The following FDXR variants were observed in gnomAD, a reference collection of about 807,000 sequenced individuals.
The protein encoded by FDXR is NADPH:adrenodoxin oxidoreductase, mitochondrial.
A neutral mutation model predicts 58.3 loss-of-function variants in FDXR; 38 were observed. That is an observed-to-expected ratio of 0.65 (90% confidence interval 0.50 to 0.85). The LOEUF is 0.85. Ranked by LOEUF, FDXR falls within the 40% of genes least tolerant of loss-of-function variation. The pLI is 0.00. For synonymous variants in FDXR, 275 were observed against 273.8 expected, an observed-to-expected ratio of 1.00 and a Z score of -0.04; for missense variants, 624 against 671.0, an observed-to-expected ratio of 0.93 and a Z score of 0.77.
At chr17:74,869,395 G>A (rs2038297872) in intron 2 of FDXR, among the ~76,000 whole-genome samples, 1 of 152,178 alleles carries the variant, frequency 6.6e-6, no homozygotes, top group Admixed American at 6.6e-5. Flanking sequence ...CCTGCCTCCA[G>A]AGCCTGGTCA....
chr17:74,868,510 G>T (rs529743212), intron 2 of FDXR: 35 of 1,409,536 alleles, frequency 2.5e-5, no homozygotes, highest in Non-Finnish European at 3.4e-5. Flanking sequence ...AGTTCAAACT[G>T]CTCGGCCTAG....
In FDXR at chr17:74,872,145, C is replaced by G. The variant is rs1462731333; in HGVS notation, c.80-12G>C. 1 of 1,604,630 alleles carries G rather than the reference C, an allele frequency of 6.2e-7. No homozygotes were observed. The highest frequency in any genetic ancestry group is 8.5e-7 in the Non-Finnish European group (1 of 1,174,932). On this transcript the variant is annotated splice_polypyrimidine_tract_variant and intron_variant, in intron 1 of 11. Transcript: ENST00000293195. ...ATGGTGGCAGAAGCCTGGGGCCAGG[C>G]AGAGGAGAGGGAAAAGGTCAAAATT...
chr17:74,865,584 T>G (rs1392348942), intron 6 of FDXR, 135 bp downstream of exon 6: 2 of 620,048 alleles, frequency 3.2e-6, no homozygotes, highest in Non-Finnish European at 5.7e-6. Flanking sequence ...TCAGAGAGCC[T>G]CTGCCTGGGC....
At chr17:74,865,588 C>A in intron 6 of FDXR, 131 bp downstream of exon 6, 1 of 628,468 alleles carries the variant, frequency 1.6e-6, no homozygotes, top group Non-Finnish European at 2.8e-6. Flanking sequence ...AGAGCCTCTG[C>A]CTGGGCACCA....
chr17:74,866,657 A>C, intron 3 of FDXR, 89 bp from the exon 4 acceptor site: 1 of 1,600,084 alleles, frequency 6.2e-7, no homozygotes, highest in Non-Finnish European at 8.6e-7. Context: ...CTGTGTCCCC[A>C]GGAGGGAAGC....
In FDXR at chr17:74,864,883, C is replaced by T. The variant is rs374574829; in HGVS notation, c.658G>A (p.Val220Met). ...AALGVLRQSR[V>M]KTVWLVGRRG... ...CGGCCCACTAGCCACACTGTCTTCACTCGACTCTGCCTCAGTACACCCAGG... is the reference window on the plus strand; with the variant it reads ...CGGCCCACTAGCCACACTGTCTTCATTCGACTCTGCCTCAGTACACCCAGG... The change falls in exon 7 of 12, where the codon GTG (valine) becomes ATG (methionine). Residue 220 changes from valine (V) to methionine (M), a missense_variant. Transcript: ENST00000293195. 12 of 1,614,084 alleles carry T rather than the reference C, an allele frequency of 7.4e-6. No homozygotes were observed. Among genetic ancestry groups the T allele is most frequent in the Non-Finnish European group, 1.0e-5 (12 of 1,180,036 alleles).
At position 74,865,145 on chromosome 17, in the gene FDXR, G is replaced by A. The variant is rs968583365; in HGVS notation, c.610-214C>T. Among the ~76,000 whole-genome samples the A allele has an allele frequency of 4.6e-5, 7 of 152,316 alleles. No individual in the cohort carries two copies. In the South Asian group the frequency reaches 1.0e-3, roughly 23 times the overall value. On this transcript the variant is annotated intron_variant, in intron 6 of 11. Transcript: ENST00000293195. ...GCCCACACTTTCATTCAACAAGTAT[G>A]TAGTGGGCCTCTACCATGTGCTCAC... is the stretch of plus-strand genomic sequence containing the variant.
At position 74,862,664 on chromosome 17, in the gene FDXR, C is replaced by CAGGAGGG. The variant is rs2038003810; in HGVS notation, c.*146_*152dup. On this transcript the variant is annotated 3_prime_UTR_variant, in exon 12 of 12. Coordinates refer to ENST00000293195, the MANE Select transcript of FDXR (RefSeq NM_024417.5). ...CCTTGCGCGCAAGGGCGACCTTCCC[C>CAGGAGGG]AGGAGGGAGGAGAGACGCTGGAAGA... 1 of 1,105,770 alleles carries CAGGAGGG rather than the reference C, an allele frequency of 9.0e-7. No individual in the cohort carries two copies. The highest frequency in any genetic ancestry group is 1.3e-6 in the Non-Finnish European group (1 of 796,600). 68.5% of individuals were successfully genotyped at this position (1,105,770 alleles called of 1,614,324 possible).
chr17:74,863,362 A>G (rs2038045272), intron 10 of FDXR, 116 bp from the exon 11 acceptor site: 3 of 1,027,200 alleles, frequency 2.9e-6, no homozygotes, highest in South Asian at 3.1e-5. Context: ...GCCTCTTGGC[A>G]GACTGTCGGC....
Position 74,863,070 on chromosome 17 carries a change from CCA to C in FDXR, c.1345+4_1345+5del, listed in dbSNP as rs1361162929. On this transcript the variant is annotated splice_donor_5th_base_variant and intron_variant, in intron 11 of 11. Transcript: ENST00000293195. ...CCTCCCAGGACCTCAGCATCGGGGC[CCA>C]GACCTCGGCTGCTGAGCAGGGCCTG... 6.2e-6 allele frequency: 10 copies of C among 1,610,100 alleles called. No individual in the cohort carries two copies. In the Middle Eastern group the frequency reaches 6.6e-4, roughly 106 times the overall value.
At position 74,864,453 on chromosome 17, in the gene FDXR, T is replaced by C. The variant is rs575876220; in HGVS notation, c.802+27A>G. The C allele has an allele frequency of 5.0e-6, 8 of 1,609,822 alleles. No homozygotes were observed. The African/African-American group carries it at 6.7e-5, about 13-fold the overall frequency. On this transcript the variant is annotated intron_variant, in intron 8 of 11. Transcript: ENST00000293195. ...ACCTAGGCCACCCTCTCCCTAGTAG[T>C]TGGGGGGCCAGGCCAGGGCCCCTCA... is the stretch of plus-strand genomic sequence containing the variant.
At chr17:74,872,676 A>T in intron 1 of FDXR, 190 bp downstream of exon 1, 1 of 1,295,810 alleles carries the variant, frequency 7.7e-7, no homozygotes, top group South Asian at 1.4e-5. Flanking sequence ...TCCGTCTCTA[A>T]CCCTAGAAGC....
chr17:74,870,388 G>A (rs2038332641), intron 2 of FDXR, among the ~76,000 whole-genome samples: 1 of 151,988 alleles, frequency 6.6e-6, no homozygotes, highest in African/African-American at 2.4e-5. Context: ...GTGGTGGAGT[G>A]CGCCTGTAAT....
intron 6 of FDXR, 69 bp from the exon 7 acceptor site, chr17:74,865,000 T>C (rs951876731): frequency 1.0e-5 from 16 of 1,605,974 alleles, no homozygotes; most frequent in African/African-American, 8.0e-5. Context: ...CATTTGGTCA[T>C]GTCCCCACCG....
At chr17:74,865,696 G>T (rs750871257) in intron 6 of FDXR, 23 bp downstream of exon 6, 4 of 1,564,578 alleles carry the variant, frequency 2.6e-6, no homozygotes, top group Non-Finnish European at 2.6e-6. Context: ...CTCCAACCCC[G>T]CCAGCCCTGA....
chr17:74,872,143 G>A lies in FDXR; in HGVS notation c.80-10C>T. 1 of 1,605,494 alleles carries A rather than the reference G, an allele frequency of 6.2e-7. No individual in the cohort carries two copies. Among genetic ancestry groups the A allele is most frequent in the South Asian group, 1.1e-5 (1 of 89,956 alleles). Reference sequence around the variant, plus strand: ...AAATGGTGGCAGAAGCCTGGGGCCAGGCAGAGGAGAGGGAAAAGGTCAAAA... The same window carrying A: ...AAATGGTGGCAGAAGCCTGGGGCCAAGCAGAGGAGAGGGAAAAGGTCAAAA... On this transcript the variant is annotated splice_polypyrimidine_tract_variant and intron_variant, in intron 1 of 11. Transcript: ENST00000293195.
chr17:74,870,130 A>T (rs2038322656), intron 2 of FDXR: 14 of 358,664 alleles, frequency 3.9e-5, no homozygotes, highest in South Asian at 2.7e-4. Flanking sequence ...CCCAAGGATC[A>T]GAACAAGGAT....
rs2038099577 is a variant in FDXR at position 74,864,546 on chromosome 17, G to A, written c.736C>T (p.Gln246Ter). The change falls in exon 8 of 12, where the codon CAG becomes TAG. Residue 246 changes from glutamine (Q) to a stop codon, truncating the protein, a stop_gained. Coordinates refer to ENST00000293195, the MANE Select transcript of FDXR (RefSeq NM_024417.5). LOFTEE classifies it high-confidence loss of function. Reference protein sequence around the residue: ...FTIKELREMIQLPGARPILDP... With the variant: ...FTIKELREMI ...AAAATGGGCCGGGCTCCCGGTAACT[G>A]AATCATCTCCCGAAGCTCCTTGAAG... 2.5e-6 allele frequency: 4 copies of A among 1,614,042 alleles called. No individual in the cohort carries two copies. The highest frequency in any genetic ancestry group is 2.5e-6 in the Non-Finnish European group (3 of 1,179,958).
rs1369800326 is a variant in FDXR, at chr17:74,866,569, C to T, written c.271-1G>A. ...TCTGGGTAAATGTGTTGATGACATT[C>T]TGCCAGGTCCCCCGGGAATGGGAGG... On this transcript the variant is annotated splice_acceptor_variant, in intron 3 of 11. Coordinates refer to ENST00000293195, the MANE Select transcript of FDXR (RefSeq NM_024417.5). LOFTEE classifies it high-confidence loss of function. 1 of 1,613,414 alleles carries T rather than the reference C, an allele frequency of 6.2e-7. No individual in the cohort carries two copies. Among genetic ancestry groups the T allele is most frequent in the Non-Finnish European group, 8.5e-7 (1 of 1,180,024 alleles).
Sources: gnomAD v4.1 joint callset for allele counts (sites outside exome capture counted in the v4.1 genomes callset) on GRCh38, gnomAD v4.1.1 for gene constraint, MANE v1.5 for transcripts, NCBI Gene and HGNC (gene_info 2026-07-23, HGNC 2026-07-21) for gene names.